The following RBBP6 variants were observed in gnomAD, a reference collection of about 807,000 sequenced individuals.
The protein encoded by RBBP6 is RB binding protein 6, ubiquitin ligase.
In RBBP6, 25 loss-of-function variants were observed where a neutral mutation model predicts 167.7. The ratio of observed to expected loss-of-function variants is 0.15; its 90% CI spans 0.11 to 0.21. The LOEUF (loss-of-function observed/expected upper bound fraction) is 0.21. Ranked by LOEUF, RBBP6 falls within the 10% of genes least tolerant of loss-of-function variation. RBBP6 has a pLI of 1.00. For synonymous variants in RBBP6, 789 were observed against 735.8 expected (o/e 1.07, Z -1.17); for missense variants, 1,868 against 2,134.2 (o/e 0.88, Z 2.46).
Position 24,563,772 on chromosome 16 carries a change from C to T in RBBP6, c.1520+108C>T, listed in dbSNP as rs114223770. The T allele has an allele frequency of 4.4e-4, 419 of 958,814 alleles. 2 individuals carry two copies. The African/African-American group carries it at 5.8e-3, about 13-fold the overall frequency. The allele number at this position is 958,814 out of a possible 1,614,324, so 59.4% of individuals were successfully genotyped here. On this transcript the variant is annotated intron_variant, in intron 13 of 17. Coordinates refer to ENST00000319715, the MANE Select transcript of RBBP6 (RefSeq NM_006910.5). ...GGAAGGTCCAAACTAGGCAGCGGGT[C>T]GCTGCTCTTTATTGTAAACTTTCAT...
Position 24,567,518 on chromosome 16 carries a change from A to G in RBBP6, c.1952+13A>G. On this transcript the variant is annotated intron_variant, in intron 15 of 17. Coordinates refer to ENST00000319715, the MANE Select transcript of RBBP6 (RefSeq NM_006910.5). ...GACTAAAAGAAGAGTATGTATTCTA[A>G]TTTGAAATTATTATACACTTTTTTC... 1 of 1,579,574 alleles carries G rather than the reference A, an allele frequency of 6.3e-7. No individual in the cohort carries two copies. The highest frequency in any genetic ancestry group is 8.6e-7 in the Non-Finnish European group (1 of 1,163,246).
At position 24,567,873 on chromosome 16, in the gene RBBP6, G is replaced by A. The variant is rs1460543681; in HGVS notation, c.2034G>A (p.Glu678=). 2.5e-6 allele frequency: 4 copies of A among 1,612,730 alleles called. No individual in the cohort carries two copies. The highest frequency in any genetic ancestry group is 1.1e-5 in the South Asian group (1 of 90,956). ...TGGAATACAAAAAGATTCAAAAGGA[G>A]CGTAGGCGCTCATTTTCCAGGTTAG... ...ELMEYKKIQK[E]RRRSFSRSKS... is the part of the protein sequence containing the mutation. Residue 678 remains glutamate (E), a synonymous_variant, in exon 16 of 18, where the codon GAG becomes GAA. Coordinates refer to ENST00000319715, the MANE Select transcript of RBBP6 (RefSeq NM_006910.5).
At chr16:24,562,743 T>C (rs1001491512) in intron 10 of RBBP6, among the ~76,000 whole-genome samples, 2 of 151,928 alleles carry the variant, frequency 1.3e-5, no homozygotes, top group African/African-American at 4.8e-5. Flanking sequence ...GCAAAATCTT[T>C]AGGATGAGAC....
At chr16:24,552,010 A>G (rs1054884326) in intron 3 of RBBP6, among the ~76,000 whole-genome samples, 1 of 151,740 alleles carries the variant, frequency 6.6e-6, no homozygotes, top group Non-Finnish European at 1.5e-5. Flanking sequence ...AAAGGAAAAA[A>G]ATACTTAAAA....
Position 24,541,181 on chromosome 16 carries a change from CA to C in RBBP6, c.166+400del, listed in dbSNP as rs751954607. On this transcript the variant is annotated intron_variant, in intron 1 of 17. Transcript: ENST00000319715. ...GTGCAAAGCTTGTTTGTTCAATCAG[CA>C]AAAAAAAAAACAAAAAAAAAACCAA... 1.1e-3 allele frequency among the ~76,000 whole-genome samples: 61 copies of C among 58,018 alleles called. 1 individual carries two copies. Among genetic ancestry groups the C allele is most frequent in the Non-Finnish European group, 1.7e-3 (48 of 28,330 alleles). The allele number at this position is 58,018 out of a possible 152,430, so 38.1% of individuals were successfully genotyped here. A position where few individuals can be genotyped will look rare whatever the true frequency, so the allele number is the denominator to read the frequency against.
chr16:24,570,833 G>A, intron 17 of RBBP6, 43 bp from the exon 18 acceptor site: 1 of 1,318,180 alleles, frequency 7.6e-7, no homozygotes, highest in Non-Finnish European at 9.9e-7. Context: ...ATAATTAATA[G>A]TAAATTCTTC....
intron 2 of RBBP6, 104 bp downstream of exon 2, chr16:24,546,366 TAATG>T (rs1219816192): frequency 8.0e-7 from 1 of 1,252,202 alleles, no homozygotes; most frequent in Non-Finnish European, 1.0e-6. Flanking sequence ...ACTTTAACCT[TAATG>T]AATACATCTT....
intron 7 of RBBP6, among the ~76,000 whole-genome samples, chr16:24,557,477 A>G (rs1450699409): frequency 6.6e-6 from 1 of 152,116 alleles, no homozygotes; most frequent in Non-Finnish European, 1.5e-5. Context: ...CATAATATTA[A>G]GTGTTCTTTG....
rs1898441886 is a variant in RBBP6 at position 24,540,014 on chromosome 16, C to T, written c.-613C>T. The T allele has an allele frequency of 6.6e-6, 1 of 152,566 alleles. No individual in the cohort carries two copies. Among genetic ancestry groups the T allele is most frequent in the Admixed American group, 6.5e-5 (1 of 15,294 alleles). 9.5% of individuals were successfully genotyped at this position (152,566 alleles called of 1,614,324 possible). ...GTTTTCGGCCTAGGCCGTGGGGCCG[C>T]TCGTGGCCTCCGGGGAGCAGGCGCC... On this transcript the variant is annotated 5_prime_UTR_variant, in exon 1 of 18. Transcript: ENST00000319715.
At chr16:24,555,755 C>A in intron 5 of RBBP6, 52 bp downstream of exon 5, 2 of 1,585,026 alleles carry the variant, frequency 1.3e-6, no homozygotes, top group Non-Finnish European at 1.7e-6. Context: ...TGGGTTTTCC[C>A]CCCCAATCAA....
At position 24,572,006 on chromosome 16, in the gene RBBP6, A is replaced by G; in HGVS notation, c.4940A>G (p.Glu1647Gly). ...FEPDYNESDS[E>G]SNVSVKEEES... Reference sequence around the variant, plus strand: ...CCAGACTATAATGAAAGTGACAGTGAAAGTAATGTTTCTGTAAAAGAAGAG... The same window carrying G: ...CCAGACTATAATGAAAGTGACAGTGGAAGTAATGTTTCTGTAAAAGAAGAG... The change falls in exon 18 of 18, where the codon GAA (glutamate) becomes GGA (glycine). Residue 1647 changes from glutamate to glycine, a missense_variant. Glu to Gly is a moderately conservative substitution (Grantham distance 98, BLOSUM62 -2). Coordinates refer to ENST00000319715, the MANE Select transcript of RBBP6 (RefSeq NM_006910.5). The G allele has an allele frequency of 1.9e-6, 3 of 1,614,096 alleles. No individual in the cohort carries two copies. Among genetic ancestry groups the G allele is most frequent in the Non-Finnish European group, 2.5e-6 (3 of 1,179,992 alleles).
chr16:24,557,022 C>T (rs1363790541), intron 7 of RBBP6, among the ~76,000 whole-genome samples: 1 of 120,494 alleles, frequency 8.3e-6, no homozygotes, highest in Non-Finnish European at 1.6e-5. Context: ...TTTTTGAGAC[C>T]AAGTCTCGCT....
At chr16:24,547,210 T>C (rs1050161561) in intron 2 of RBBP6, among the ~76,000 whole-genome samples, 9 of 152,190 alleles carry the variant, frequency 5.9e-5, no homozygotes, top group African/African-American at 2.2e-4. Context: ...AAAAATAAAG[T>C]CATTTCTTGG....
At chr16:24,559,431 T>C in intron 7 of RBBP6, 74 bp from the exon 8 acceptor site, 3 of 1,252,010 alleles carry the variant, frequency 2.4e-6, no homozygotes, top group South Asian at 1.5e-5. Flanking sequence ...GTTCCCATTA[T>C]GTTATAGTAG....
At position 24,569,722 on chromosome 16, in the gene RBBP6, A is replaced by T; in HGVS notation, c.3032A>T (p.Lys1011Ile). 6.2e-7 allele frequency: 1 copy of T among 1,614,142 alleles called. No individual in the cohort carries two copies. Among genetic ancestry groups the T allele is most frequent in the East Asian group, 2.2e-5 (1 of 44,872 alleles). The change falls in exon 17 of 18, where the codon AAA (lysine) becomes ATA (isoleucine). Residue 1011 changes from lysine (K) to isoleucine (I), a missense_variant. Around this residue, in one of 7 missense-constraint regions of RBBP6, gnomAD observed 673 missense variants for 691.5 expected, o/e 0.97. Transcript: ENST00000319715. ...GAAAAAGACAAGAGAGAAAGGGATA[A>T]ACCAAAAGCAAAGGGTGATAAAACC... is the stretch of plus-strand genomic sequence containing the variant. ...VSEKDKRERDKPKAKGDKTKR... is the reference protein window; with the variant it reads ...VSEKDKRERDIPKAKGDKTKR...
At chr16:24,566,947 C>T (rs1177604991) in intron 14 of RBBP6, among the ~76,000 whole-genome samples, 196 bp from the exon 15 acceptor site, 1 of 151,968 alleles carries the variant, frequency 6.6e-6, no homozygotes, top group East Asian at 1.9e-4. Flanking sequence ...TCATCTCAGT[C>T]GAGACATGGC....
chr16:24,555,414 T>G, intron 4 of RBBP6: 1 of 476,808 alleles, frequency 2.1e-6, no homozygotes, highest in Non-Finnish European at 3.7e-6. Flanking sequence ...AGAATGACTT[T>G]CTTCAGCCTT....
At chr16:24,570,650 G>A in intron 17 of RBBP6, 151 bp downstream of exon 17, 1 of 867,388 alleles carries the variant, frequency 1.2e-6, no homozygotes. Flanking sequence ...TTGAAGAAGG[G>A]AATTGCCAAA....
In RBBP6 at chr16:24,571,892, A is replaced by G. The variant is rs768087706; in HGVS notation, c.4826A>G (p.Lys1609Arg). 4 of 1,614,014 alleles carry G rather than the reference A, an allele frequency of 2.5e-6. No homozygotes were observed. Among genetic ancestry groups the G allele is most frequent in the East Asian group, 4.5e-5 (2 of 44,892 alleles). Residue 1609 changes from lysine to arginine, a missense_variant, in exon 18 of 18, where the codon AAG becomes AGG. Lys to Arg is a conservative substitution (Grantham distance 26, BLOSUM62 2). Transcript: ENST00000319715. ...EKEQITGQID[K>R]STVKPKPQLS... ...GAGCAAATTACTGGGCAAATTGACA[A>G]GAGTACTGTCAAGCCTAAACCCCAG...
Sources: allele counts gnomAD v4.1 joint callset (sites outside exome capture counted in the v4.1 genomes callset), GRCh38; gene constraint gnomAD v4.1.1; regional missense constraint gnomAD v4.1.1; transcripts MANE v1.5; gene names NCBI Gene and HGNC (gene_info 2026-07-23, HGNC 2026-07-21).